Variants in GRM1 observed in about 807,000 individuals in gnomAD.
The protein encoded by GRM1 is metabotropic glutamate receptor 1.
Under a neutral mutation model 90.9 loss-of-function variants are expected in GRM1, and 33 were observed. The ratio of observed to expected loss-of-function variants is 0.36; its 90% CI spans 0.28 to 0.49. The LOEUF (loss-of-function observed/expected upper bound fraction) is 0.49, where lower values mean the gene tolerates loss of function less well. GRM1 is among the 20% of genes least tolerant of loss of function. GRM1 has a pLI of 0.99. For missense variants in GRM1, 1,190 were observed against 1,534.3 expected, an observed-to-expected ratio of 0.78 and a Z score of 3.75; for synonymous variants, 700 against 613.2, an observed-to-expected ratio of 1.14 and a Z score of -2.09.
Position 146,434,660 on chromosome 6 carries a change from C to T in GRM1, c.3449C>T (p.Pro1150Leu). 1 of 1,608,644 alleles carries T rather than the reference C, an allele frequency of 6.2e-7. No homozygotes were observed. Among genetic ancestry groups the T allele is most frequent in the Non-Finnish European group, 8.5e-7 (1 of 1,180,006 alleles). The stretch of plus-strand genomic sequence containing the variant: ...TCGCCTGCGCTGACGCCTCCGTCGC[C>T]TTTCCGCGACTCGGTGGCCTCGGGC... Reference protein sequence around the residue: ...DDSPALTPPSPFRDSVASGSS... With the variant: ...DDSPALTPPSLFRDSVASGSS... The change falls in exon 8 of 8, where the codon CCT becomes CTT. Residue 1150 changes from proline (P) to leucine (L), a missense_variant. By Grantham distance (98) the Pro-to-Leu change is moderately conservative (BLOSUM62 -3). Transcript: ENST00000282753.
At chr6:146,333,938 G>A (rs1784673538) in intron 3 of GRM1, among the ~76,000 whole-genome samples, 1 of 152,126 alleles carries the variant, frequency 6.6e-6, no homozygotes, top group South Asian at 2.1e-4. Context: ...ATAAAATGGA[G>A]TTTAGTAAAT....
At chr6:146,282,158 T>C (rs1444879677) in intron 2 of GRM1, among the ~76,000 whole-genome samples, 2 of 152,214 alleles carry the variant, frequency 1.3e-5, no homozygotes, top group Non-Finnish European at 2.9e-5. Flanking sequence ...CCTGTCTGTC[T>C]TTGCACACAC....
intron 7 of GRM1, chr6:146,426,639 A>G: frequency 1.5e-6 from 2 of 1,370,032 alleles, no homozygotes; most frequent in Non-Finnish European, 2.1e-6. Flanking sequence ...CACTGCAGTG[A>G]ATGTGTAAGA....
intron 3 of GRM1, among the ~76,000 whole-genome samples, chr6:146,334,153 A>C (rs1784682441): frequency 1.3e-5 from 2 of 152,154 alleles, no homozygotes; most frequent in Admixed American, 1.3e-4. Flanking sequence ...TCCACACTGC[A>C]GAACTCCAAG....
At chr6:146,414,166 A>G (rs1257722669) in intron 7 of GRM1, among the ~76,000 whole-genome samples, 1 of 152,142 alleles carries the variant, frequency 6.6e-6, no homozygotes, top group East Asian at 1.9e-4. Context: ...CCTCCTACCA[A>G]GAATGTATGA....
At chr6:146,396,007 A>G (rs1299517267) in intron 6 of GRM1, among the ~76,000 whole-genome samples, 5 of 152,008 alleles carry the variant, frequency 3.3e-5, no homozygotes, top group Non-Finnish European at 5.9e-5. Flanking sequence ...TATTGATTTC[A>G]TCATAAATTA....
At chr6:146,255,715 C>T (rs546418848) in intron 2 of GRM1, among the ~76,000 whole-genome samples, 1 of 152,174 alleles carries the variant, frequency 6.6e-6, no homozygotes, top group African/African-American at 2.4e-5. Context: ...TCTCTGATGC[C>T]CTAACAAACT....
At chr6:146,337,343 T>C (rs1260472368) in intron 3 of GRM1, among the ~76,000 whole-genome samples, 1 of 152,256 alleles carries the variant, frequency 6.6e-6, no homozygotes, top group Non-Finnish European at 1.5e-5. Context: ...TTTTCCACTT[T>C]TAATTTTTTA....
chr6:146,313,736 A>G (rs1035075981), intron 3 of GRM1, among the ~76,000 whole-genome samples: 1 of 146,810 alleles, frequency 6.8e-6, no homozygotes, highest in African/African-American at 2.7e-5. Context: ...TTTAAAGTGC[A>G]CCAAAAAAAT....
intron 2 of GRM1, among the ~76,000 whole-genome samples, chr6:146,302,202 C>A (rs1543349): frequency 0.11 from 16,511 of 151,246 alleles, 1,764 homozygotes; most frequent in African/African-American, 0.28. Flanking sequence ...CCTGACTCCT[C>A]TTTTGGGTCT....
intron 2 of GRM1, among the ~76,000 whole-genome samples, chr6:146,281,578 TATC>T (rs1335587661): frequency 1.3e-5 from 2 of 152,208 alleles, no homozygotes; most frequent in East Asian, 3.8e-4. Context: ...AGATTATAAT[TATC>T]ATTTCTGGAG....
At chr6:146,335,176 A>G (rs1353985800) in intron 3 of GRM1, among the ~76,000 whole-genome samples, 1 of 152,144 alleles carries the variant, frequency 6.6e-6, no homozygotes, top group Non-Finnish European at 1.5e-5. Context: ...ACTTAATTAT[A>G]TCTTCATGAA....
chr6:146,237,182 C>G (rs987251648), intron 2 of GRM1, among the ~76,000 whole-genome samples: 1 of 151,776 alleles, frequency 6.6e-6, no homozygotes, highest in Admixed American at 6.6e-5. Context: ...TGCAGATTTT[C>G]CTATATATTT....
chr6:146,042,926 C>T (rs1425406742), intron 1 of GRM1, among the ~76,000 whole-genome samples: 1 of 151,980 alleles, frequency 6.6e-6, no homozygotes, highest in Non-Finnish European at 1.5e-5. Context: ...TATCCAGATC[C>T]TCTCAAAGGG....
At position 146,203,974 on chromosome 6, in the gene GRM1, G is replaced by A. The variant is rs553349054; in HGVS notation, c.950+44377G>A. Among the ~76,000 whole-genome samples the A allele has an allele frequency of 2.6e-5, 4 of 152,154 alleles. No homozygotes were observed. In the South Asian group the frequency reaches 6.2e-4, roughly 24 times the overall value. ...ATTTTATTTCAATCACTATACCAACGTTTTATAAGAATAAATTCACTTGTT... is the reference window on the plus strand; with the variant it reads ...ATTTTATTTCAATCACTATACCAACATTTTATAAGAATAAATTCACTTGTT... On this transcript the variant is annotated intron_variant, in intron 2 of 7. Transcript: ENST00000282753.
chr6:146,391,721 A>T (rs1404951955), intron 6 of GRM1, among the ~76,000 whole-genome samples: 1 of 152,078 alleles, frequency 6.6e-6, no homozygotes, highest in Non-Finnish European at 1.5e-5. Context: ...AAGAAAGAAA[A>T]GAAAAAAAGG....
intron 2 of GRM1, among the ~76,000 whole-genome samples, chr6:146,266,994 G>A (rs893789759): frequency 6.6e-6 from 1 of 152,174 alleles, no homozygotes; most frequent in Admixed American, 6.5e-5. Context: ...CCATCACCTA[G>A]GTATTAAGCC....
intron 2 of GRM1, among the ~76,000 whole-genome samples, chr6:146,161,012 A>T (rs1777703321): frequency 6.6e-6 from 1 of 152,154 alleles, no homozygotes; most frequent in African/African-American, 2.4e-5. Flanking sequence ...AAGAAATGTT[A>T]TTTCTTTTAG....
At chr6:146,129,011 A>T (rs557484053) in intron 1 of GRM1, among the ~76,000 whole-genome samples, 17 of 152,336 alleles carry the variant, frequency 1.1e-4, no homozygotes, top group Admixed American at 1.3e-4. Flanking sequence ...TTTTGAGAAT[A>T]AATAATGATT....
Sources: gnomAD v4.1 joint callset for allele counts (sites outside exome capture counted in the v4.1 genomes callset) on GRCh38, gnomAD v4.1.1 for gene constraint, MANE v1.5 for transcripts, NCBI Gene and HGNC (gene_info 2026-07-23, HGNC 2026-07-21) for gene names.